The following KHDRBS2 variants were observed in gnomAD, a reference collection of about 807,000 sequenced individuals.
KHDRBS2 encodes KH domain-containing, RNA-binding, signal transduction-associated protein 2.
Under a neutral mutation model 44.3 loss-of-function variants are expected in KHDRBS2, and 26 were observed. The observed-to-expected ratio is 0.59, with a 90% CI of 0.43 to 0.81. The LOEUF is 0.81. Ranked by LOEUF, KHDRBS2 falls within the 40% of genes least tolerant of loss-of-function variation. The pLI, the probability that KHDRBS2 is intolerant of heterozygous loss-of-function variation, is 0.00. For missense variants in KHDRBS2, 476 were observed against 433.1 expected (o/e 1.10, Z -0.88); for synonymous variants, 194 against 151.1 (o/e 1.28, Z -2.08).
chr6:62,002,694 A>C (rs1446762595), intron 3 of KHDRBS2, among the ~76,000 whole-genome samples: 1 of 151,318 alleles, frequency 6.6e-6, no homozygotes. Flanking sequence ...AGGTAATATA[A>C]ATGGCATTAT....
intron 6 of KHDRBS2, among the ~76,000 whole-genome samples, chr6:61,785,209 A>C (rs1283444051): frequency 6.6e-6 from 1 of 151,996 alleles, no homozygotes; most frequent in Non-Finnish European, 1.5e-5. Flanking sequence ...AGAAAACAAA[A>C]AAGAGGGAAG....
chr6:62,136,717 C>G (rs921224007), intron 2 of KHDRBS2, among the ~76,000 whole-genome samples: 1 of 152,158 alleles, frequency 6.6e-6, no homozygotes, highest in Non-Finnish European at 1.5e-5. Flanking sequence ...CCACAATGAA[C>G]AGCCACTATC....
In KHDRBS2 at chr6:62,193,041, C is replaced by A. The variant is rs184041455; in HGVS notation, c.92-15729G>T. Among the ~76,000 whole-genome samples, 4 of 152,086 alleles carry A rather than the reference C, an allele frequency of 2.6e-5. No individual in the cohort carries two copies. In the East Asian group the frequency reaches 7.7e-4, roughly 29 times the overall value. On this transcript the variant is annotated intron_variant, in intron 1 of 8. Transcript: ENST00000281156. ...ATTGGAAGGCCATCTCCCTTAGCAT[C>A]AATATTTTGGCTGAATATAATAAAT...
At chr6:62,179,241 T>A (rs1435219991) in intron 1 of KHDRBS2, among the ~76,000 whole-genome samples, 1 of 151,724 alleles carries the variant, frequency 6.6e-6, no homozygotes, top group Non-Finnish European at 1.5e-5. Context: ...TCATTTATAA[T>A]CATCTTATCA....
chr6:61,927,176 A>C (rs1407859603), intron 4 of KHDRBS2, among the ~76,000 whole-genome samples: 2 of 152,144 alleles, frequency 1.3e-5, no homozygotes, highest in Non-Finnish European at 2.9e-5. Context: ...AACAACAATA[A>C]TAATATAATA....
intron 1 of KHDRBS2, among the ~76,000 whole-genome samples, chr6:62,235,029 T>C (rs1257427041): frequency 6.7e-6 from 1 of 150,270 alleles, no homozygotes; most frequent in East Asian, 2.0e-4. Flanking sequence ...TATTAAATGA[T>C]AGAACACATT....
chr6:62,241,913 T>C (rs1274560331), intron 1 of KHDRBS2, among the ~76,000 whole-genome samples: 1 of 152,138 alleles, frequency 6.6e-6, no homozygotes, highest in Non-Finnish European at 1.5e-5. Flanking sequence ...AGTGGTGTTC[T>C]TTTTTTGGAA....
intron 3 of KHDRBS2, among the ~76,000 whole-genome samples, chr6:61,998,515 C>T (rs1235411532): frequency 6.6e-6 from 1 of 152,090 alleles, no homozygotes; most frequent in Admixed American, 6.6e-5. Context: ...TGCCAAATTT[C>T]ATAGGATTTC....
chr6:62,242,669 A>G (rs191316095), intron 1 of KHDRBS2, among the ~76,000 whole-genome samples: 2 of 152,312 alleles, frequency 1.3e-5, no homozygotes, highest in South Asian at 4.1e-4. Flanking sequence ...GGAGTTAACT[A>G]CATTTTATTC....
chr6:61,695,221 C>CA (rs1333726198), intron 8 of KHDRBS2, among the ~76,000 whole-genome samples: 4 of 91,172 alleles, frequency 4.4e-5, no homozygotes, highest in Non-Finnish European at 7.8e-5. Context: ...CACCTCCTGA[C>CA]AAAACAAACA....
intron 6 of KHDRBS2, among the ~76,000 whole-genome samples, chr6:61,784,992 T>A (rs1418905280): frequency 6.6e-6 from 1 of 151,744 alleles, no homozygotes; most frequent in African/African-American, 2.4e-5. Context: ...CTACAAAAAA[T>A]ACAAAAATTT....
intron 2 of KHDRBS2, among the ~76,000 whole-genome samples, chr6:62,059,037 C>T (rs1414762839): frequency 6.6e-6 from 1 of 151,378 alleles, no homozygotes; most frequent in Non-Finnish European, 1.5e-5. Context: ...ATAAATACCT[C>T]TTTCAGAAAA....
chr6:61,778,657 G>A (rs1456231504), intron 6 of KHDRBS2, among the ~76,000 whole-genome samples: 1 of 152,144 alleles, frequency 6.6e-6, no homozygotes, highest in Non-Finnish European at 1.5e-5. Flanking sequence ...CTGGGACATA[G>A]TGCCACCGTG....
chr6:62,190,618 T>C (rs1324471710), intron 1 of KHDRBS2, among the ~76,000 whole-genome samples: 1 of 152,112 alleles, frequency 6.6e-6, no homozygotes, highest in African/African-American at 2.4e-5. Context: ...CTTCCTGGGT[T>C]TCATACTTTT....
At chr6:62,162,138 T>C (rs138861242) in intron 2 of KHDRBS2, among the ~76,000 whole-genome samples, 208 of 152,192 alleles carry the variant, frequency 1.4e-3, no homozygotes, top group Non-Finnish European at 2.5e-3. Flanking sequence ...AAGATAATAC[T>C]AGCTTTTATA....
chr6:61,781,027 T>C (rs1472497228), intron 6 of KHDRBS2, among the ~76,000 whole-genome samples: 6 of 152,186 alleles, frequency 3.9e-5, no homozygotes, highest in Non-Finnish European at 8.8e-5. Context: ...GTTCTTAAAG[T>C]GACAATTATG....
chr6:62,243,102 T>C (rs1371613199), intron 1 of KHDRBS2, among the ~76,000 whole-genome samples: 1 of 152,168 alleles, frequency 6.6e-6, no homozygotes, highest in Non-Finnish European at 1.5e-5. Context: ...TTGAGCACAA[T>C]GCAAGTTGTT....
chr6:61,915,561 C>T lies in KHDRBS2; in HGVS notation c.484-14190G>A, dbSNP rs114249545. Among the ~76,000 whole-genome samples the T allele has an allele frequency of 3.0e-3, 457 of 151,914 alleles. 2 individuals carry two copies. Among genetic ancestry groups the T allele is most frequent in the African/African-American group, 0.01 (423 of 41,462 alleles). ...GTACACCTGGAAATGTGGCCGAATG[C>T]CTATTTATATAATAATTTATTCATA... is the stretch of plus-strand genomic sequence containing the variant. On this transcript the variant is annotated intron_variant, in intron 4 of 8. Transcript: ENST00000281156.
intron 2 of KHDRBS2, among the ~76,000 whole-genome samples, chr6:62,109,037 T>A (rs981069218): frequency 6.6e-6 from 1 of 151,724 alleles, no homozygotes; most frequent in East Asian, 1.9e-4. Flanking sequence ...GCATGGCACA[T>A]GTATACATAT....
Sources: gnomAD v4.1 joint callset for allele counts (sites outside exome capture counted in the v4.1 genomes callset) on GRCh38, gnomAD v4.1.1 for gene constraint, MANE v1.5 for transcripts, NCBI Gene and HGNC (gene_info 2026-07-23, HGNC 2026-07-21) for gene names.